The following STK32A variants were observed in gnomAD, a reference collection of about 807,000 sequenced individuals.
STK32A encodes the protein serine/threonine-protein kinase 32A.
A neutral mutation model predicts 53.2 loss-of-function variants in STK32A; 41 were observed. The observed-to-expected ratio is 0.77, with a 90% CI of 0.60 to 1.00. The LOEUF (loss-of-function observed/expected upper bound fraction) is 1.00. Ranked by LOEUF, STK32A falls within the 50% of genes least tolerant of loss-of-function variation. STK32A has a pLI of 0.00. For synonymous variants in STK32A, 166 were observed against 162.8 expected (o/e 1.02, Z -0.15); for missense variants, 458 against 485.8 (o/e 0.94, Z 0.54).
intron 8 of STK32A, among the ~76,000 whole-genome samples, chr5:147,368,718 T>C (rs984268507): frequency 1.3e-5 from 2 of 152,198 alleles, no homozygotes; most frequent in African/African-American, 4.8e-5. Flanking sequence ...ATGTGATTAT[T>C]TTTTAATAAA....
intron 4 of STK32A, among the ~76,000 whole-genome samples, chr5:147,290,763 TA>T (rs1410591716): frequency 2.6e-5 from 4 of 152,170 alleles, no homozygotes; most frequent in African/African-American, 9.6e-5. Context: ...GTATCAACCT[TA>T]AATAACGAGA....
intron 11 of STK32A, among the ~76,000 whole-genome samples, chr5:147,382,502 T>A (rs1757492666): frequency 6.6e-6 from 1 of 152,166 alleles, no homozygotes; most frequent in Admixed American, 6.5e-5. Flanking sequence ...CTGGCATGCC[T>A]TGTTATTTTT....
intron 4 of STK32A, among the ~76,000 whole-genome samples, chr5:147,313,063 CAAAAAAAA>C (rs71583952): frequency 3.7e-4 from 29 of 78,666 alleles, no homozygotes; most frequent in African/African-American, 1.1e-3. Context: ...CTCATCTCTA[CAAAAAAAA>C]AAAAAAAAAA....
At chr5:147,260,640 T>G (rs1263504673) in intron 2 of STK32A, among the ~76,000 whole-genome samples, 1 of 152,014 alleles carries the variant, frequency 6.6e-6, no homozygotes, top group East Asian at 1.9e-4. Flanking sequence ...GCCTTGCTGG[T>G]CCCGGGAGGT....
intron 4 of STK32A, among the ~76,000 whole-genome samples, chr5:147,302,407 A>T (rs894909752): frequency 3.9e-5 from 6 of 152,174 alleles, no homozygotes; most frequent in African/African-American, 1.4e-4. Flanking sequence ...AAGTGTAGAC[A>T]TTGGGGATCA....
At chr5:147,242,789 T>C (rs1398027302) in intron 2 of STK32A, among the ~76,000 whole-genome samples, 1 of 152,224 alleles carries the variant, frequency 6.6e-6, no homozygotes. Flanking sequence ...AGAAAAAGTA[T>C]GCCATTCTAG....
chr5:147,372,399 T>A (rs1057293461), intron 9 of STK32A, among the ~76,000 whole-genome samples: 22 of 151,308 alleles, frequency 1.5e-4, no homozygotes, highest in African/African-American at 5.4e-4. Context: ...AAGTTCCTTA[T>A]TTTGGAATAG....
chr5:147,331,775 A>T (rs1176537017), intron 5 of STK32A, among the ~76,000 whole-genome samples: 3 of 152,180 alleles, frequency 2.0e-5, no homozygotes, highest in Admixed American at 6.5e-5. Flanking sequence ...GATGATGTGG[A>T]TGTAGAGAGA....
chr5:147,240,070 A>G (rs533230554), intron 2 of STK32A: 25 of 165,108 alleles, frequency 1.5e-4, no homozygotes, highest in African/African-American at 5.3e-4. Flanking sequence ...TGCTCATAAT[A>G]TTATAGAATG....
At chr5:147,400,598 C>G in the STK32A span, 1 of 1,504,116 alleles carries the variant, frequency 6.6e-7, no homozygotes, top group East Asian at 2.3e-5. Flanking sequence ...CATCTGCACT[C>G]GCAGTGTCAC....
chr5:147,341,675 G>A (rs1234976895), intron 5 of STK32A, among the ~76,000 whole-genome samples: 1 of 151,900 alleles, frequency 6.6e-6, no homozygotes, highest in Non-Finnish European at 1.5e-5. Flanking sequence ...ATGTTATAAG[G>A]CCTATAGTTA....
In STK32A at chr5:147,318,331, C is replaced by T. The variant is rs528738774; in HGVS notation, c.261-5567C>T. On this transcript the variant is annotated intron_variant, in intron 4 of 12. Transcript: ENST00000397936. ...TAAAAATGCTGTATAATCTGTAGCA[C>T]GAATTTACTATAATTTATTCCCATG... Among the ~76,000 whole-genome samples, 8 of 152,114 alleles carry T rather than the reference C, an allele frequency of 5.3e-5. No individual in the cohort carries two copies. In the East Asian group the frequency reaches 7.7e-4, roughly 15 times the overall value.
chr5:147,248,242 G>A (rs1753838666), intron 2 of STK32A, among the ~76,000 whole-genome samples: 1 of 151,850 alleles, frequency 6.6e-6, no homozygotes. Flanking sequence ...TAAGCATCTT[G>A]CAGACATTTC....
intron 4 of STK32A, among the ~76,000 whole-genome samples, chr5:147,291,877 T>A (rs964827234): frequency 2.6e-5 from 4 of 152,198 alleles, no homozygotes; most frequent in Non-Finnish European, 4.4e-5. Flanking sequence ...TTGGCCTAAT[T>A]ATTTGCATTA....
intron 2 of STK32A, among the ~76,000 whole-genome samples, chr5:147,263,915 A>C (rs990771263): frequency 4.6e-5 from 7 of 152,172 alleles, no homozygotes; most frequent in Admixed American, 1.3e-4. Flanking sequence ...ATTCAACACA[A>C]GTATATGAGA....
intron 5 of STK32A, among the ~76,000 whole-genome samples, chr5:147,341,815 T>G (rs1431517153): frequency 6.6e-6 from 1 of 152,194 alleles, no homozygotes; most frequent in East Asian, 1.9e-4. Context: ...CAAAGTATCA[T>G]GTTGGCCACT....
intron 2 of STK32A, among the ~76,000 whole-genome samples, chr5:147,253,553 AC>A (rs2151943362): frequency 6.6e-6 from 1 of 152,246 alleles, no homozygotes; most frequent in East Asian, 1.9e-4. Flanking sequence ...TGGGGGTTTC[AC>A]CATGTTGGCC....
chr5:147,376,517 A>G (rs1482382753), intron 11 of STK32A, among the ~76,000 whole-genome samples: 2 of 152,198 alleles, frequency 1.3e-5, no homozygotes, highest in Admixed American at 1.3e-4. Context: ...ACAAGTTTTT[A>G]AAGTTTTAGA....
chr5:147,373,081 A>C, intron 9 of STK32A, 88 bp from the exon 10 acceptor site: 3 of 1,534,666 alleles, frequency 2.0e-6, no homozygotes, highest in Non-Finnish European at 1.8e-6. Flanking sequence ...TCAGTCCTAC[A>C]GTTGAAAGCA....
Sources: gnomAD v4.1 joint callset for allele counts (sites outside exome capture counted in the v4.1 genomes callset) on GRCh38, gnomAD v4.1.1 for gene constraint, MANE v1.5 for transcripts, NCBI Gene and HGNC (gene_info 2026-07-23, HGNC 2026-07-21) for gene names.